Variants in SMYD3 observed in about 807,000 individuals in gnomAD.
SMYD3 encodes the protein histone-lysine N-methyltransferase SMYD3.
In SMYD3, 36 loss-of-function variants were observed where a neutral mutation model predicts 57.7. The observed-to-expected ratio is 0.62, with a 90% CI of 0.48 to 0.82. The LOEUF (loss-of-function observed/expected upper bound fraction) is 0.82. Among genes scored for constraint, SMYD3 ranks in the 40% least tolerant of loss-of-function variants. The pLI is 0.00. For synonymous variants in SMYD3, 211 were observed against 195.0 expected (o/e 1.08, Z -0.68); for missense variants, 515 against 538.8 (o/e 0.96, Z 0.44).
At chr1:246,185,015 C>T (rs1037791574) in intron 5 of SMYD3, among the ~76,000 whole-genome samples, 1 of 152,176 alleles carries the variant, frequency 6.6e-6, no homozygotes, top group East Asian at 1.9e-4. Flanking sequence ...TAATGCAATG[C>T]TCTGTAAGGC....
At chr1:245,969,836 CT>C (rs1311787867) in intron 5 of SMYD3, among the ~76,000 whole-genome samples, 1 of 152,196 alleles carries the variant, frequency 6.6e-6, no homozygotes, top group Admixed American at 6.5e-5. Context: ...TATTACCTCT[CT>C]AAGTGTGTAT....
chr1:245,807,822 A>C lies in SMYD3; in HGVS notation c.1077-43673T>G, dbSNP rs192412152. Among the ~76,000 whole-genome samples the C allele has an allele frequency of 3.3e-3, 495 of 152,038 alleles. 7 individuals are homozygous for C. Among genetic ancestry groups the C allele is most frequent in the African/African-American group, 0.01 (433 of 41,482 alleles). ...TTTGTAATTTCCCAGGGAAAAAAAA[A>C]AAAAACAAAAAACAAAAAAACAGAA... On this transcript the variant is annotated intron_variant, in intron 10 of 11. Coordinates refer to ENST00000490107, the MANE Select transcript of SMYD3 (RefSeq NM_001167740.2).
At chr1:246,224,129 T>C (rs1375725455) in intron 5 of SMYD3, among the ~76,000 whole-genome samples, 2 of 152,110 alleles carry the variant, frequency 1.3e-5, no homozygotes, top group Non-Finnish European at 2.9e-5. Context: ...AAAAGGACTC[T>C]GTCCTCATAA....
intron 5 of SMYD3, among the ~76,000 whole-genome samples, chr1:246,180,759 C>CAAAA (rs61346746): frequency 3.4e-5 from 1 of 29,242 alleles, no homozygotes; most frequent in Non-Finnish European, 5.5e-5. Flanking sequence ...GACTCTGTCT[C>CAAAA]AAAAAAAAAA....
chr1:246,155,694 A>C (rs2062011206), intron 5 of SMYD3, among the ~76,000 whole-genome samples: 1 of 152,108 alleles, frequency 6.6e-6, no homozygotes, highest in Non-Finnish European at 1.5e-5. Context: ...AGAACTACAC[A>C]TCTCGCCAGG....
rs561602771 is a variant in SMYD3, at chr1:246,166,763, G to T, written c.531+160438C>A. On this transcript the variant is annotated intron_variant, in intron 5 of 11. Coordinates refer to ENST00000490107, the MANE Select transcript of SMYD3 (RefSeq NM_001167740.2). Reference sequence around the variant, plus strand: ...AATACCTGAGAGCTAGGGGCCGCGGGATAACTTAGTCATTATTGTTTTTTC... The same window carrying T: ...AATACCTGAGAGCTAGGGGCCGCGGTATAACTTAGTCATTATTGTTTTTTC... 1.6e-3 allele frequency among the ~76,000 whole-genome samples: 246 copies of T among 152,222 alleles called. 1 individual carries two copies. Among genetic ancestry groups the T allele is most frequent in the African/African-American group, 5.5e-3 (228 of 41,524 alleles).
chr1:246,448,107 C>G (rs2067574986), intron 1 of SMYD3, among the ~76,000 whole-genome samples: 1 of 152,158 alleles, frequency 6.6e-6, no homozygotes, highest in African/African-American at 2.4e-5. Context: ...ATGCCAACTA[C>G]TCGGGAGGCT....
intron 8 of SMYD3, among the ~76,000 whole-genome samples, chr1:245,889,559 A>G (rs961020181): frequency 1.3e-5 from 2 of 152,224 alleles, no homozygotes; most frequent in African/African-American, 2.4e-5. Flanking sequence ...ATAAATGTCA[A>G]TAGAAGCCTT....
At chr1:246,188,622 C>A (rs1176983784) in intron 5 of SMYD3, among the ~76,000 whole-genome samples, 1 of 150,816 alleles carries the variant, frequency 6.6e-6, no homozygotes, top group Non-Finnish European at 1.5e-5. Flanking sequence ...TTTTTAATAT[C>A]TATGTTAAGA....
At chr1:246,434,680 G>A (rs955071016) in intron 1 of SMYD3, among the ~76,000 whole-genome samples, 1 of 152,182 alleles carries the variant, frequency 6.6e-6, no homozygotes, top group Non-Finnish European at 1.5e-5. Context: ...AAAAGGGAAC[G>A]TTTATCCACT....
intron 1 of SMYD3, among the ~76,000 whole-genome samples, chr1:246,385,730 G>A (rs1355803033): frequency 6.6e-6 from 1 of 151,988 alleles, no homozygotes; most frequent in African/African-American, 2.4e-5. Flanking sequence ...GTAGAGCGGT[G>A]CTTTTCAAAC....
chr1:246,425,990 T>C (rs1572489828), intron 1 of SMYD3: 1 of 152,128 alleles, frequency 6.6e-6, no homozygotes, highest in African/African-American at 2.4e-5. Context: ...TTCTCTTCGA[T>C]TATATCTCTT....
chr1:245,785,524 T>TA (rs1298330598), intron 10 of SMYD3, among the ~76,000 whole-genome samples: 1 of 152,152 alleles, frequency 6.6e-6, no homozygotes, highest in Non-Finnish European at 1.5e-5. Context: ...CTCACTTGCC[T>TA]ACTCCCACCT....
At chr1:246,063,481 C>T (rs1402974812) in intron 5 of SMYD3, among the ~76,000 whole-genome samples, 1 of 152,068 alleles carries the variant, frequency 6.6e-6, no homozygotes, top group Non-Finnish European at 1.5e-5. Flanking sequence ...GCTGAAATCT[C>T]AGTTGCTAAA....
chr1:245,833,743 G>C (rs946872352), intron 10 of SMYD3, among the ~76,000 whole-genome samples: 2 of 152,128 alleles, frequency 1.3e-5, no homozygotes, highest in Non-Finnish European at 2.9e-5. Context: ...TACAAAGACT[G>C]GCTAGGTCCC....
In SMYD3 at chr1:246,330,520, T is replaced by G; in HGVS notation, c.354A>C (p.Ser118=). ...VVFKLMDGAP[S]ESEKLYSFYD... ...AAAATGAGTAAAGCTTCTCTGATTC[T>G]GAAGGTGCTCCATCCATCTGTGAAG... The change falls in exon 4 of 12, where the codon TCA becomes TCC. Residue 118 remains serine, a synonymous_variant. Transcript: ENST00000490107. 1 of 1,596,068 alleles carries G rather than the reference T, an allele frequency of 6.3e-7. No individual in the cohort carries two copies. The highest frequency in any genetic ancestry group is 8.5e-7 in the Non-Finnish European group (1 of 1,172,340).
intron 1 of SMYD3, among the ~76,000 whole-genome samples, chr1:246,402,662 T>C (rs1221135183): frequency 6.6e-6 from 1 of 152,216 alleles, no homozygotes; most frequent in Non-Finnish European, 1.5e-5. Context: ...GCTGATCTGA[T>C]GATTAAGTCT....
At position 246,355,233 on chromosome 1, in the gene SMYD3, A is replaced by AT. The variant is rs2065893674; in HGVS notation, c.165-140dup. ...TTATGTACAGTCCCTTAAGATTTGG[A>AT]TTTTCACACTGATGAGCCTCCTCTT... On this transcript the variant is annotated intron_variant, in intron 1 of 11. Transcript: ENST00000490107. The surrounding 1 kb of genome is among the most constrained non-coding windows in gnomAD (Gnocchi z 5.0). 2 of 754,294 alleles carry AT rather than the reference A, an allele frequency of 2.7e-6. No individual in the cohort carries two copies. Among genetic ancestry groups the AT allele is most frequent in the Non-Finnish European group, 4.4e-6 (2 of 459,164 alleles). The allele number at this position is 754,294 out of a possible 1,614,324, so 46.7% of individuals were successfully genotyped here. A position where few individuals can be genotyped will look rare whatever the true frequency, so the allele number is the denominator to read the frequency against.
At chr1:245,926,843 G>C (rs1419903615) in intron 7 of SMYD3, among the ~76,000 whole-genome samples, 1 of 152,128 alleles carries the variant, frequency 6.6e-6, no homozygotes, top group Non-Finnish European at 1.5e-5. Context: ...TACCTGCCTT[G>C]AAGTCCTTTG....
Sources: allele counts gnomAD v4.1 joint callset (sites outside exome capture counted in the v4.1 genomes callset), GRCh38; gene constraint gnomAD v4.1.1; non-coding constraint Gnocchi (gnomAD v3.1); transcripts MANE v1.5; gene names NCBI Gene and HGNC (gene_info 2026-07-23, HGNC 2026-07-21).